Variants in SLC12A9 observed in about 807,000 individuals in gnomAD.
The protein encoded by SLC12A9 is solute carrier family 12 member 9, also known as CCC-interacting protein 1.
A neutral mutation model predicts 66.0 loss-of-function variants in SLC12A9; 55 were observed. The observed-to-expected ratio is 0.83, with a 90% CI of 0.67 to 1.04. The LOEUF is 1.04. Ranked by LOEUF, SLC12A9 falls within the 50% of genes least tolerant of loss-of-function variation. The pLI, the probability that SLC12A9 is intolerant of heterozygous loss-of-function variation, is 0.00. For synonymous variants in SLC12A9, 577 were observed against 569.0 expected (o/e 1.01, Z -0.20); for missense variants, 1,061 against 1,241.9 (o/e 0.85, Z 2.19).
At chr7:100,844,192 T>C (rs1204138717) in intron 1 of SLC12A9, among the ~76,000 whole-genome samples, 1 of 152,200 alleles carries the variant, frequency 6.6e-6, no homozygotes. Flanking sequence ...AAAAGGTTGC[T>C]ATGGTCCTAT....
intron 7 of SLC12A9, 42 bp from the exon 8 acceptor site, chr7:100,859,843 G>T: frequency 6.4e-7 from 1 of 1,569,002 alleles, no homozygotes. Flanking sequence ...TTCTTACCCC[G>T]TGACGCATGA....
chr7:100,841,612 TAA>T (rs1368659732), intron 1 of SLC12A9, among the ~76,000 whole-genome samples: 2 of 152,062 alleles, frequency 1.3e-5, no homozygotes, highest in African/African-American at 4.8e-5. Flanking sequence ...TATAAAAAGT[TAA>T]AAAGAGTCTA....
chr7:100,843,402 A>G (rs1368338219), intron 1 of SLC12A9, among the ~76,000 whole-genome samples: 1 of 152,252 alleles, frequency 6.6e-6, no homozygotes, highest in East Asian at 1.9e-4. Context: ...AACTACATCT[A>G]TTACAACCAA....
At chr7:100,860,536 G>A in intron 9 of SLC12A9, 1 of 410,664 alleles carries the variant, frequency 2.4e-6, no homozygotes, top group East Asian at 5.3e-5. Flanking sequence ...GTATTCACTG[G>A]CACTTTGTGG....
chr7:100,855,731 C>T lies in SLC12A9; in HGVS notation c.342C>T (p.Pro114=), dbSNP rs756761305. ...AYFMISRTLG[P]EVGGSIGLMF... ...TCATGATCAGCCGCACACTGGGGCCCGAGGTCGGGGGCAGCATTGGGCTCA... is the reference window on the plus strand; with the variant it reads ...TCATGATCAGCCGCACACTGGGGCCTGAGGTCGGGGGCAGCATTGGGCTCA... Residue 114 remains proline (P), a synonymous_variant, in exon 4 of 14, where the codon CCC becomes CCT. Coordinates refer to ENST00000354161, the MANE Select transcript of SLC12A9 (RefSeq NM_020246.4). 21 of 1,614,116 alleles carry T rather than the reference C, an allele frequency of 1.3e-5. No homozygotes were observed. Among genetic ancestry groups the T allele is most frequent in the South Asian group, 6.6e-5 (6 of 91,084 alleles).
intron 1 of SLC12A9, among the ~76,000 whole-genome samples, chr7:100,830,043 GTAAATAAA>G (rs1190773142): frequency 6.8e-6 from 1 of 146,608 alleles, no homozygotes; most frequent in Non-Finnish European, 1.5e-5. Flanking sequence ...AATATATAAA[GTAAATAAA>G]TAAGTAAATA....
intron 1 of SLC12A9, chr7:100,827,178 G>A: frequency 4.2e-6 from 3 of 716,662 alleles, no homozygotes; most frequent in South Asian, 4.2e-5. Flanking sequence ...AGCGTGCGGG[G>A]CACCGGGCGG....
chr7:100,860,914 G>T (rs1814707906), intron 9 of SLC12A9: 2 of 736,320 alleles, frequency 2.7e-6, no homozygotes, highest in Admixed American at 2.1e-5. Flanking sequence ...TAGCATTTTA[G>T]GGGCTCATTG....
At chr7:100,826,998 C>G in exon 1 of SLC12A9, 2 of 1,576,444 alleles carry the variant, frequency 1.3e-6, no homozygotes, top group Non-Finnish European at 1.7e-6. Context: ...CTGCGGCCAA[C>G]GAAGCCCAGC....
intron 1 of SLC12A9, among the ~76,000 whole-genome samples, chr7:100,839,703 C>T (rs1584679734): frequency 1.3e-5 from 2 of 152,194 alleles, no homozygotes; most frequent in Admixed American, 1.3e-4. Context: ...GGAACGGGCA[C>T]TTAGAGTCTG....
intron 1 of SLC12A9, among the ~76,000 whole-genome samples, chr7:100,833,887 C>A (rs1165286054): frequency 1.5e-5 from 2 of 135,410 alleles, no homozygotes; most frequent in African/African-American, 2.9e-5. Flanking sequence ...GAACCCAGAT[C>A]ACGCCACTGC....
At position 100,836,693 on chromosome 7, in the gene SLC12A9, C is replaced by T. The variant is rs78800506; in HGVS notation, n.228+9646C>T. On this transcript the variant is annotated intron_variant and non_coding_transcript_variant, in intron 1 of 1. Coordinates refer to the SLC12A9 transcript ENST00000461016. ...CGTTTTGCCCCATCAGCTGTTCTTG[C>T]AGGAAGGGCGCCCTGCTCAGCTCGC... Among the ~76,000 whole-genome samples the T allele has an allele frequency of 6.9e-3, 1,048 of 152,240 alleles. 5 individuals carry two copies. Among genetic ancestry groups the T allele is most frequent in the Non-Finnish European group, 9.8e-3 (667 of 68,012 alleles).
intron 13 of SLC12A9, among the ~76,000 whole-genome samples, chr7:100,863,496 C>T (rs1227668606): frequency 6.6e-6 from 1 of 152,114 alleles, no homozygotes; most frequent in South Asian, 2.1e-4. Flanking sequence ...CACCAGTGTT[C>T]AGAGGAAGGC....
chr7:100,855,119 G>A (rs905728999), intron 3 of SLC12A9, among the ~76,000 whole-genome samples: 2 of 152,094 alleles, frequency 1.3e-5, no homozygotes, highest in Admixed American at 6.6e-5. Flanking sequence ...TGCCAAGATC[G>A]CATCACTGCA....
chr7:100,841,525 T>A (rs4727465), intron 1 of SLC12A9, among the ~76,000 whole-genome samples: 31,720 of 152,086 alleles, frequency 0.21, 4,212 homozygotes, highest in East Asian at 0.45. Context: ...TATCATCCAG[T>A]TTTTCTGTGA....
Position 100,861,223 on chromosome 7 carries a change from C to A in SLC12A9, c.1304C>A (p.Ser435Tyr), listed in dbSNP as rs1562994102. The change falls in exon 10 of 14, where the codon TCC becomes TAC. Residue 435 changes from serine to tyrosine, a missense_variant. Coordinates refer to ENST00000354161, the MANE Select transcript of SLC12A9 (RefSeq NM_020246.4). The surrounding 1 kb of genome is among the most constrained non-coding windows in gnomAD (Gnocchi z 5.3). ...GTGGCCTATGCTGCCGTGGACCTGT[C>A]CTGCCTGAGCCTGGAGTGGGCCTCG... ...YLVAYAAVDL[S>Y]CLSLEWASAP... The A allele has an allele frequency of 3.7e-6, 6 of 1,614,100 alleles. No homozygotes were observed. Among genetic ancestry groups the A allele is most frequent in the Non-Finnish European group, 4.2e-6 (5 of 1,180,042 alleles).
chr7:100,845,335 G>A (rs1813884969), intron 1 of SLC12A9, among the ~76,000 whole-genome samples: 1 of 150,418 alleles, frequency 6.6e-6, no homozygotes, highest in African/African-American at 2.4e-5. Flanking sequence ...TGTTATTGGC[G>A]CTATTTTATT....
Position 100,856,929 on chromosome 7 carries a change from T to C in SLC12A9, c.510T>C (p.Tyr170=), listed in dbSNP as rs773885449. The change falls in exon 5 of 14, where the codon TAT becomes TAC. Residue 170 remains tyrosine (Y), a synonymous_variant. Transcript: ENST00000354161. ...LPQGYGWNLL[Y]GSLLLGLVGG... ...AGGGCTACGGCTGGAACCTGCTGTA[T>C]GGCTCCCTGCTGCTGGGCCTTGTGG... 5.0e-6 allele frequency: 8 copies of C among 1,612,466 alleles called. No individual in the cohort carries two copies. In the African/African-American group the frequency reaches 9.3e-5, roughly 19 times the overall value.
intron 12 of SLC12A9, among the ~76,000 whole-genome samples, chr7:100,862,343 C>T (rs990486574): frequency 1.3e-5 from 2 of 152,156 alleles, no homozygotes; most frequent in African/African-American, 4.8e-5. Flanking sequence ...ACTGCAGCCT[C>T]AACCTCTTGG....
Sources: gnomAD v4.1 joint callset for allele counts (sites outside exome capture counted in the v4.1 genomes callset) on GRCh38, gnomAD v4.1.1 for gene constraint, Gnocchi (gnomAD v3.1) non-coding constraint, MANE v1.5 for transcripts, NCBI Gene and HGNC (gene_info 2026-07-23, HGNC 2026-07-21) for gene names.